The following CDH8 variants were observed in gnomAD, a reference collection of about 807,000 sequenced individuals.
The protein encoded by CDH8 is cadherin-8.
CDH8 carries 17 observed loss-of-function variants against 68.1 expected under a neutral mutation model. The ratio of observed to expected loss-of-function variants is 0.25; its 90% CI spans 0.17 to 0.37. CDH8 has a LOEUF of 0.37. Among genes scored for constraint, CDH8 ranks in the 10% least tolerant of loss-of-function variants. The pLI is 1.00. For synonymous variants in CDH8, 372 were observed against 365.1 expected (o/e 1.02, Z -0.21); for missense variants, 763 against 999.3 (o/e 0.76, Z 3.19).
At chr16:61,948,270 C>T (rs934030913) in intron 2 of CDH8, among the ~76,000 whole-genome samples, 6 of 152,268 alleles carry the variant, frequency 3.9e-5, no homozygotes, top group Admixed American at 6.5e-5. Flanking sequence ...CTTCTCTGCT[C>T]GTTCTGATCT....
At chr16:61,858,493 T>C (rs1278355374) in intron 3 of CDH8, among the ~76,000 whole-genome samples, 1 of 152,216 alleles carries the variant, frequency 6.6e-6, no homozygotes, top group Non-Finnish European at 1.5e-5. Context: ...GGAAACATAA[T>C]GGTTATTGAA....
At chr16:61,697,967 AC>A (rs1355053200) in intron 10 of CDH8, among the ~76,000 whole-genome samples, 4 of 152,146 alleles carry the variant, frequency 2.6e-5, no homozygotes, top group African/African-American at 9.7e-5. Context: ...TAAACACTAG[AC>A]TTTTTTATTA....
chr16:61,861,455 T>C (rs1434741894), intron 3 of CDH8, among the ~76,000 whole-genome samples: 1 of 152,234 alleles, frequency 6.6e-6, no homozygotes, highest in Non-Finnish European at 1.5e-5. Context: ...TCTATTTCTG[T>C]TGATCTTATC....
At chr16:61,851,096 C>T (rs1962928555) in intron 4 of CDH8, among the ~76,000 whole-genome samples, 1 of 152,000 alleles carries the variant, frequency 6.6e-6, no homozygotes, top group Admixed American at 6.6e-5. Flanking sequence ...AAATTATAAT[C>T]TATGCAATCC....
chr16:61,651,971 G>T lies in CDH8; in HGVS notation c.*1637C>A, dbSNP rs1248285644. ...GTTTGAGTTGATGATTCTGTTAATA[G>T]ATCTTCCACTGATTGAAAAAAAAAT... is the stretch of plus-strand genomic sequence containing the variant. On this transcript the variant is annotated 3_prime_UTR_variant, in exon 12 of 12. Transcript: ENST00000577390. The T allele has an allele frequency of 1.8e-5, 9 of 504,154 alleles. No individual in the cohort carries two copies. In the South Asian group the frequency reaches 5.1e-4, roughly 29 times the overall value. 31.2% of individuals were successfully genotyped at this position (504,154 alleles called of 1,614,324 possible).
At chr16:61,857,634 A>G (rs918727317) in intron 3 of CDH8, among the ~76,000 whole-genome samples, 1 of 152,182 alleles carries the variant, frequency 6.6e-6, no homozygotes, top group Non-Finnish European at 1.5e-5. Flanking sequence ...ATGTACCTGG[A>G]AAAATTGGCT....
chr16:61,653,524 ATAGCCACATTGGT>A lies in CDH8; in HGVS notation c.*71_*83del, dbSNP rs1212408249. On this transcript the variant is annotated 3_prime_UTR_variant, in exon 12 of 12. Transcript: ENST00000577390. ...GGTGCTAAACTTGCCTCTAAAACAA[ATAGCCACATTGGT>A]TGTATCTAAGGGGAGTGACCCTAGA... 69 of 1,511,578 alleles carry A rather than the reference ATAGCCACATTGGT, an allele frequency of 4.6e-5. No homozygotes were observed. Among genetic ancestry groups the A allele is most frequent in the Non-Finnish European group, 5.7e-5 (65 of 1,131,828 alleles). 93.6% of individuals were successfully genotyped at this position (1,511,578 alleles called of 1,614,324 possible).
chr16:61,769,688 A>T (rs1049647219), intron 8 of CDH8, among the ~76,000 whole-genome samples: 1 of 151,954 alleles, frequency 6.6e-6, no homozygotes, highest in Non-Finnish European at 1.5e-5. Context: ...TGACTTTTAA[A>T]ATTAGATGTT....
chr16:61,753,119 AGAT>A (rs770944791), intron 8 of CDH8, among the ~76,000 whole-genome samples: 22 of 145,418 alleles, frequency 1.5e-4, no homozygotes, highest in Non-Finnish European at 1.9e-4. Context: ...AAACTACTGT[AGAT>A]ACTAACATCT....
intron 3 of CDH8, among the ~76,000 whole-genome samples, chr16:61,879,568 C>T (rs188953577): frequency 6.6e-6 from 1 of 152,314 alleles, no homozygotes; most frequent in East Asian, 1.9e-4. Flanking sequence ...TGTCATCATC[C>T]TCACAAACTG....
intron 2 of CDH8, among the ~76,000 whole-genome samples, chr16:61,914,529 A>C (rs72798793): frequency 0.16 from 23,914 of 151,930 alleles, 2,089 homozygotes; most frequent in Middle Eastern, 0.25. Context: ...TCCAAGTAAA[A>C]CCAATCTAAT....
intron 2 of CDH8, among the ~76,000 whole-genome samples, chr16:61,903,868 CAT>C (rs926791428): frequency 3.3e-5 from 5 of 151,980 alleles, no homozygotes; most frequent in Non-Finnish European, 7.4e-5. Context: ...TATCTGAAAA[CAT>C]TGTGATAATC....
intron 3 of CDH8, among the ~76,000 whole-genome samples, chr16:61,888,124 T>A (rs1231623499): frequency 1.3e-5 from 2 of 151,096 alleles, no homozygotes; most frequent in Admixed American, 1.3e-4. Context: ...GCTCACCATG[T>A]TGGCATGCAG....
chr16:62,033,614 G>T (rs891747253), intron 1 of CDH8, among the ~76,000 whole-genome samples: 4 of 152,190 alleles, frequency 2.6e-5, no homozygotes, highest in Admixed American at 2.0e-4. Flanking sequence ...AGGGAGAATA[G>T]ATTAAAAAGT....
At chr16:61,966,471 GA>G (rs1200637832) in intron 2 of CDH8, among the ~76,000 whole-genome samples, 1 of 152,088 alleles carries the variant, frequency 6.6e-6, no homozygotes, top group Non-Finnish European at 1.5e-5. Flanking sequence ...CTGGGAGGCG[GA>G]GGTTGCAGTG....
At chr16:61,887,406 A>G (rs1037706232) in intron 3 of CDH8, among the ~76,000 whole-genome samples, 1 of 152,148 alleles carries the variant, frequency 6.6e-6, no homozygotes, top group Non-Finnish European at 1.5e-5. Context: ...AACAGCAGAA[A>G]TTTATTTTCT....
intron 1 of CDH8, 148 bp from the exon 2 acceptor site, chr16:62,021,750 A>T: frequency 2.4e-6 from 1 of 408,610 alleles, no homozygotes; most frequent in South Asian, 1.3e-4. Context: ...AATTAGAATA[A>T]GTAGCCTAGT....
chr16:61,702,679 T>C (rs2142851783), intron 10 of CDH8, among the ~76,000 whole-genome samples: 1 of 152,328 alleles, frequency 6.6e-6, no homozygotes, highest in South Asian at 2.1e-4. Flanking sequence ...GTTGCTGACC[T>C]ATAGTTTGCA....
intron 3 of CDH8, among the ~76,000 whole-genome samples, chr16:61,895,591 C>A (rs1229069826): frequency 6.6e-6 from 1 of 152,138 alleles, no homozygotes; most frequent in Non-Finnish European, 1.5e-5. Context: ...GTGCACACAA[C>A]AATGCAATAA....
Sources: allele counts gnomAD v4.1 joint callset (sites outside exome capture counted in the v4.1 genomes callset), GRCh38; gene constraint gnomAD v4.1.1; transcripts MANE v1.5; gene names NCBI Gene and HGNC (gene_info 2026-07-23, HGNC 2026-07-21).